Variants in ADAMTSL1 observed in about 807,000 individuals in gnomAD.
ADAMTSL1 encodes ADAMTS like 1.
ADAMTSL1 carries 126 observed loss-of-function variants against 201.8 expected under a neutral mutation model. The ratio of observed to expected loss-of-function variants is 0.62; its 90% CI spans 0.54 to 0.72. ADAMTSL1 has a LOEUF of 0.72. Ranked by LOEUF, ADAMTSL1 falls within the 30% of genes least tolerant of loss-of-function variation. ADAMTSL1 has a pLI of 0.00. For synonymous variants in ADAMTSL1, 1,121 were observed against 903.4 expected, an observed-to-expected ratio of 1.24 and a Z score of -4.32; for missense variants, 2,679 against 2,277.8, an observed-to-expected ratio of 1.18 and a Z score of -3.59.
At chr9:17,983,844 G>A (rs997264605) in intron 1 of ADAMTSL1, among the ~76,000 whole-genome samples, 1 of 152,084 alleles carries the variant, frequency 6.6e-6, no homozygotes, top group African/African-American at 2.4e-5. Flanking sequence ...CTTGTAAAAT[G>A]TAGTGTAAAA....
rs537844695 is a variant in ADAMTSL1 at position 18,331,508 on chromosome 9, T to C, written c.207+167527T>C. ...TAATTAGTCCTGAACTATGCCTTGC[T>C]GTTATAATACAGTGCACATGGTGAT... is the stretch of plus-strand genomic sequence containing the variant. On this transcript the variant is annotated intron_variant, in intron 2 of 29. Coordinates refer to the ADAMTSL1 transcript ENST00000680146. Among the ~76,000 whole-genome samples, 67 of 152,318 alleles carry C rather than the reference T, an allele frequency of 4.4e-4. No homozygotes were observed. The Middle Eastern group carries it at 0.014, about 31-fold the overall frequency.
chr9:18,574,165 G>A lies in ADAMTSL1; in HGVS notation c.373G>A (p.Ala125Thr). ...PDNPCSLKCQ[A>T]KGTTLVVELA... ...CAACCCATGTTCACTCAAGTGCCAA[G>A]CCAAAGGAACAACCCTGGTTGTTGA... The change falls in exon 4 of 29, where the codon GCC (alanine) becomes ACC (threonine). Residue 125 changes from alanine (A) to threonine (T), a missense_variant. Physicochemically the swap from Ala to Thr is moderately conservative, Grantham distance 58. Transcript: ENST00000380548. The A allele has an allele frequency of 6.2e-7, 1 of 1,614,166 alleles. No individual in the cohort carries two copies. Among genetic ancestry groups the A allele is most frequent in the African/African-American group, 1.3e-5 (1 of 75,034 alleles).
rs1195344042 is a variant in ADAMTSL1 at position 18,908,998 on chromosome 9, C to T, written c.*450C>T. 2.5e-5 allele frequency: 4 copies of T among 162,072 alleles called. No individual in the cohort carries two copies. Among genetic ancestry groups the T allele is most frequent in the East Asian group, 3.7e-4 (2 of 5,336 alleles). 10.0% of individuals were successfully genotyped at this position (162,072 alleles called of 1,614,324 possible). A position where few individuals can be genotyped will look rare whatever the true frequency, so the allele number is the denominator to read the frequency against. ...ACACAGGAGTGTTTTGCTCCTTTGT[C>T]TCCTCTTCCCCATCTATGTCCCTTT... On this transcript the variant is annotated 3_prime_UTR_variant, in exon 29 of 29. Transcript: ENST00000380548.
intron 2 of ADAMTSL1, among the ~76,000 whole-genome samples, chr9:18,209,580 C>G (rs908143164): frequency 6.6e-6 from 1 of 152,138 alleles, no homozygotes; most frequent in African/African-American, 2.4e-5. Context: ...TCTAAGTAAA[C>G]CACCTGAATT....
At chr9:18,833,334 C>T (rs945169842) in intron 23 of ADAMTSL1, among the ~76,000 whole-genome samples, 1 of 152,212 alleles carries the variant, frequency 6.6e-6, no homozygotes, top group African/African-American at 2.4e-5. Context: ...AGTGCATAAG[C>T]ATTTCATTTT....
intron 23 of ADAMTSL1, among the ~76,000 whole-genome samples, chr9:18,867,141 T>G (rs972179059): frequency 6.6e-6 from 1 of 152,176 alleles, no homozygotes; most frequent in African/African-American, 2.4e-5. Flanking sequence ...AGGACAGATA[T>G]GAAGGGACTA....
At chr9:18,464,579 T>G (rs1162660044) in intron 2 of ADAMTSL1, among the ~76,000 whole-genome samples, 1 of 152,206 alleles carries the variant, frequency 6.6e-6, no homozygotes, top group African/African-American at 2.4e-5. Context: ...CTTGGAAAAT[T>G]TAATGAGTTA....
intron 2 of ADAMTSL1, among the ~76,000 whole-genome samples, chr9:18,323,884 G>T (rs540698139): frequency 7.6e-4 from 115 of 152,192 alleles, no homozygotes; most frequent in Non-Finnish European, 1.4e-3. Flanking sequence ...GATTCAAATT[G>T]TTAAAGATGC....
intron 9 of ADAMTSL1, among the ~76,000 whole-genome samples, chr9:18,675,353 C>CAAGAGAAGA (rs1830075440): frequency 6.6e-6 from 1 of 151,968 alleles, no homozygotes; most frequent in South Asian, 2.1e-4. Context: ...CTAGATCTGC[C>CAAGAGAAGA]AAGAGAAGAA....
intron 1 of ADAMTSL1, among the ~76,000 whole-genome samples, chr9:18,045,688 G>T (rs1821627481): frequency 6.6e-6 from 1 of 151,524 alleles, no homozygotes; most frequent in Non-Finnish European, 1.5e-5. Flanking sequence ...CCCTCACATT[G>T]TCTAGTCATC....
chr9:18,517,540 G>C (rs1242456318), intron 2 of ADAMTSL1, among the ~76,000 whole-genome samples: 4 of 151,248 alleles, frequency 2.6e-5, no homozygotes, highest in South Asian at 2.1e-4. Flanking sequence ...CTAGCATTAG[G>C]TGTATCTCCC....
intron 2 of ADAMTSL1, among the ~76,000 whole-genome samples, chr9:18,182,285 T>TAAAAAA (rs1266490259): frequency 8.1e-6 from 1 of 124,206 alleles, no homozygotes; most frequent in Non-Finnish European, 1.7e-5. Context: ...ACTTAAAGTA[T>TAAAAAA]AAAAAAAAAA....
chr9:18,081,450 A>G (rs1392418913), intron 1 of ADAMTSL1, among the ~76,000 whole-genome samples: 8 of 152,106 alleles, frequency 5.3e-5, no homozygotes, highest in Non-Finnish European at 1.0e-4. Flanking sequence ...TAACTATCCT[A>G]CAGCTGACCT....
chr9:18,275,225 G>T (rs1303939555), intron 2 of ADAMTSL1, among the ~76,000 whole-genome samples: 1 of 152,164 alleles, frequency 6.6e-6, no homozygotes, highest in African/African-American at 2.4e-5. Flanking sequence ...GGAACAAAAT[G>T]AGGGTGAGAG....
chr9:17,968,458 C>T (rs1282939197), intron 1 of ADAMTSL1, among the ~76,000 whole-genome samples: 1 of 152,090 alleles, frequency 6.6e-6, no homozygotes, highest in Non-Finnish European at 1.5e-5. Context: ...GATGCTGTCT[C>T]CTTGGCAAAG....
chr9:18,438,198 T>C (rs11789537), intron 2 of ADAMTSL1, among the ~76,000 whole-genome samples: 38,907 of 147,676 alleles, frequency 0.26, 5,723 homozygotes, highest in Non-Finnish European at 0.33. Context: ...GTCTTAATCA[T>C]AGGAAGAGAA....
Position 18,002,344 on chromosome 9 carries a change from A to G in ADAMTSL1, c.87+95422A>G, listed in dbSNP as rs547562055. Among the ~76,000 whole-genome samples, 7 of 152,152 alleles carry G rather than the reference A, an allele frequency of 4.6e-5. No individual in the cohort carries two copies. In the East Asian group the frequency reaches 1.2e-3, roughly 25 times the overall value. On this transcript the variant is annotated intron_variant, in intron 1 of 29. Transcript: ENST00000680146. ...CCTGAGTTCAGATTCTGGTTCCACAATATTGCTAGGTGACCTTATACTCTG... is the reference window on the plus strand; with the variant it reads ...CCTGAGTTCAGATTCTGGTTCCACAGTATTGCTAGGTGACCTTATACTCTG...
chr9:18,496,744 C>G (rs1038184044), intron 1 of ADAMTSL1, among the ~76,000 whole-genome samples: 1 of 152,202 alleles, frequency 6.6e-6, no homozygotes, highest in Non-Finnish European at 1.5e-5. Context: ...ATTCCAAACC[C>G]CAACATGTGC....
intron 4 of ADAMTSL1, among the ~76,000 whole-genome samples, chr9:18,609,686 A>C (rs1337332405): frequency 1.3e-5 from 2 of 152,136 alleles, no homozygotes; most frequent in Non-Finnish European, 2.9e-5. Flanking sequence ...ATGAGAAAAT[A>C]CCTGCTATTT....
Sources: allele counts gnomAD v4.1 joint callset (sites outside exome capture counted in the v4.1 genomes callset), GRCh38; gene constraint gnomAD v4.1.1; transcripts MANE v1.5; gene names NCBI Gene and HGNC (gene_info 2026-07-23, HGNC 2026-07-21).